Variants in PNPLA3 observed in about 807,000 individuals in gnomAD.
PNPLA3 encodes 1-acylglycerol-3-phosphate O-acyltransferase PNPLA3.
A neutral mutation model predicts 43.1 loss-of-function variants in PNPLA3; 42 were observed. The observed-to-expected ratio is 0.97, with a 90% CI of 0.76 to 1.26. The LOEUF (loss-of-function observed/expected upper bound fraction) is 1.26, where lower values mean the gene tolerates loss of function less well. Ranked by LOEUF, PNPLA3 falls within the 50% of genes most tolerant of loss-of-function variation. The pLI is 0.00. For missense variants in PNPLA3, 647 were observed against 621.4 expected (o/e 1.04, Z -0.44); for synonymous variants, 272 against 253.6 (o/e 1.07, Z -0.69).
intron 5 of PNPLA3, among the ~76,000 whole-genome samples, chr22:43,936,564 AC>A (rs1420942235): frequency 6.6e-6 from 1 of 152,088 alleles, no homozygotes; most frequent in African/African-American, 2.4e-5. Flanking sequence ...GGAAGTGAGT[AC>A]CCTCTTCGAC....
At chr22:43,938,553 A>G (rs2050010780) in intron 6 of PNPLA3, among the ~76,000 whole-genome samples, 1 of 152,188 alleles carries the variant, frequency 6.6e-6, no homozygotes, top group South Asian at 2.1e-4. Context: ...GAGAGAGGGA[A>G]ATAGAGGGAA....
chr22:43,924,165 G>C (rs2049905872), intron 1 of PNPLA3, 67 bp downstream of exon 1: 2 of 1,381,892 alleles, frequency 1.4e-6, no homozygotes, highest in South Asian at 1.6e-5. Flanking sequence ...GGGAGCGGGG[G>C]ATCCCCAGGG....
intron 8 of PNPLA3, 51 bp from the exon 9 acceptor site, chr22:43,946,103 C>T (rs765777650): frequency 1.9e-6 from 3 of 1,556,874 alleles, no homozygotes; most frequent in South Asian, 2.2e-5. Flanking sequence ...TCAGACTGCA[C>T]ACTGCAGCAG....
rs371569586 is a variant in PNPLA3 at position 43,946,287 on chromosome 22, A to G, written c.1351A>G (p.Arg451Gly). The G allele has an allele frequency of 6.2e-7, 1 of 1,614,150 alleles. No individual in the cohort carries two copies. Among genetic ancestry groups the G allele is most frequent in the African/African-American group, 1.3e-5 (1 of 75,024 alleles). ...AGAGGCCACCCCGCGGTCCATCCTC[A>G]GGTCCAGCCTGAACTTCTTCTTGGG... Reference protein sequence around the residue: ...KAEATPRSILRSSLNFFLGNK... With the variant: ...KAEATPRSILGSSLNFFLGNK... The change falls in exon 9 of 9, where the codon AGG becomes GGG. Residue 451 changes from arginine (R) to glycine (G), a missense_variant. Transcript: ENST00000216180.
chr22:43,927,762 T>C (rs1236307260), intron 2 of PNPLA3, among the ~76,000 whole-genome samples: 1 of 152,180 alleles, frequency 6.6e-6, no homozygotes, highest in Non-Finnish European at 1.5e-5. Context: ...GCACAGGCCA[T>C]CACACCTTGC....
At chr22:43,934,420 C>A (rs1014024266) in intron 4 of PNPLA3, among the ~76,000 whole-genome samples, 186 bp from the exon 5 acceptor site, 4 of 152,138 alleles carry the variant, frequency 2.6e-5, no homozygotes, top group Non-Finnish European at 4.4e-5. Flanking sequence ...CAAGCCGAGA[C>A]CTCCAGGGAA....
intron 5 of PNPLA3, among the ~76,000 whole-genome samples, chr22:43,935,670 G>C (rs929367271): frequency 6.6e-6 from 1 of 152,024 alleles, no homozygotes; most frequent in East Asian, 1.9e-4. Context: ...GGAGGGGTGG[G>C]GATGGGGACA....
chr22:43,925,635 G>A (rs1292113681), intron 1 of PNPLA3, among the ~76,000 whole-genome samples: 1 of 152,186 alleles, frequency 6.6e-6, no homozygotes, highest in Admixed American at 6.5e-5. Context: ...TGACTGGGAG[G>A]TGGGGATTAG....
intron 4 of PNPLA3, 126 bp from the exon 5 acceptor site, chr22:43,934,480 T>A: frequency 1.1e-6 from 1 of 943,692 alleles, no homozygotes. Context: ...GGTGGCTCAG[T>A]GCCCCCAGCC....
intron 8 of PNPLA3, among the ~76,000 whole-genome samples, chr22:43,945,699 G>A (rs530022777): frequency 6.6e-6 from 1 of 152,148 alleles, no homozygotes; most frequent in Non-Finnish European, 1.5e-5. Flanking sequence ...GCAGCAAGGG[G>A]GGCTGCCAGG....
intron 7 of PNPLA3, among the ~76,000 whole-genome samples, chr22:43,942,087 A>C (rs1042770496): frequency 6.6e-6 from 1 of 152,102 alleles, no homozygotes; most frequent in East Asian, 1.9e-4. Flanking sequence ...AAAGGGAGGG[A>C]ATGAGCCAGC....
intron 3 of PNPLA3, among the ~76,000 whole-genome samples, chr22:43,932,176 T>A (rs2049965786): frequency 6.6e-6 from 1 of 152,150 alleles, no homozygotes; most frequent in South Asian, 2.1e-4. Flanking sequence ...TAGCAAAAGC[T>A]GCCTGCCCCA....
chr22:43,926,713 G>A (rs1419545288), intron 1 of PNPLA3, among the ~76,000 whole-genome samples: 1 of 151,724 alleles, frequency 6.6e-6, no homozygotes, highest in Non-Finnish European at 1.5e-5. Context: ...TTACTAATGA[G>A]ATATTTCATA....
Position 43,928,972 on chromosome 22 carries a change from G to T in PNPLA3, c.486+83G>T, listed in dbSNP as rs1007718147. On this transcript the variant is annotated intron_variant, in intron 3 of 8. Transcript: ENST00000216180. Reference sequence around the variant, plus strand: ...CATCTCCTGCCTGCAGGGCACTGGTGTCGGGCACCTCAGGGTCTGTCCCAT... The same window carrying T: ...CATCTCCTGCCTGCAGGGCACTGGTTTCGGGCACCTCAGGGTCTGTCCCAT... The T allele has an allele frequency of 2.2e-6, 3 of 1,390,656 alleles. No homozygotes were observed. The Admixed American group carries it at 5.0e-5, about 23-fold the overall frequency. The allele number at this position is 1,390,656 out of a possible 1,614,324, so 86.1% of individuals were successfully genotyped here.
intron 7 of PNPLA3, among the ~76,000 whole-genome samples, chr22:43,941,287 G>A (rs956906453): frequency 4.9e-4 from 74 of 149,542 alleles, no homozygotes; most frequent in Non-Finnish European, 9.3e-4. Context: ...AGAACTTCTT[G>A]ATTGGGCTTC....
intron 7 of PNPLA3, among the ~76,000 whole-genome samples, chr22:43,941,805 T>TA (rs1569015947): frequency 6.6e-6 from 1 of 151,624 alleles, no homozygotes; most frequent in Non-Finnish European, 1.5e-5. Flanking sequence ...AAAAAAAAAT[T>TA]ACCCTGGTCT....
At chr22:43,924,313 C>G in intron 1 of PNPLA3, 1 of 578,630 alleles carries the variant, frequency 1.7e-6, no homozygotes, top group Middle Eastern at 4.6e-4. Flanking sequence ...CCGAGCGGTC[C>G]GGGCCGAAGC....
intron 4 of PNPLA3, among the ~76,000 whole-genome samples, chr22:43,933,987 G>C (rs2049978067): frequency 6.6e-6 from 1 of 152,134 alleles, no homozygotes; most frequent in Admixed American, 6.5e-5. Context: ...AAGTTTGTTA[G>C]GGTGGAGGCT....
chr22:43,939,061 G>A (rs2050014439), intron 6 of PNPLA3, among the ~76,000 whole-genome samples: 1 of 152,134 alleles, frequency 6.6e-6, no homozygotes, highest in Non-Finnish European at 1.5e-5. Flanking sequence ...GAGTTGCTGG[G>A]ATTACAGGTG....
Sources: gnomAD v4.1 joint callset for allele counts (sites outside exome capture counted in the v4.1 genomes callset) on GRCh38, gnomAD v4.1.1 for gene constraint, MANE v1.5 for transcripts, NCBI Gene and HGNC (gene_info 2026-07-23, HGNC 2026-07-21) for gene names.